Variants in SLC18A1 observed in about 807,000 individuals in gnomAD.
SLC18A1 encodes chromaffin granule amine transporter.
A neutral mutation model predicts 53.7 loss-of-function variants in SLC18A1; 69 were observed. The observed-to-expected ratio is 1.28, with a 90% CI of 1.06 to 1.57. SLC18A1 has a LOEUF of 1.57. Ranked by LOEUF, SLC18A1 falls within the 40% of genes most tolerant of loss-of-function variation. The pLI is 0.00. For synonymous variants in SLC18A1, 320 were observed against 248.1 expected (o/e 1.29, Z -2.72); for missense variants, 932 against 668.1 (o/e 1.40, Z -4.35).
rs746506124 is a variant in SLC18A1, at chr8:20,174,420, G to C, written c.572C>G (p.Thr191Ser). The C allele has an allele frequency of 6.2e-7, 1 of 1,613,968 alleles. No individual in the cohort carries two copies. Among genetic ancestry groups the C allele is most frequent in the Non-Finnish European group, 8.5e-7 (1 of 1,179,872 alleles). The change falls in exon 5 of 16, where the codon ACT becomes AGT. Residue 191 changes from threonine (T) to serine (S), a missense_variant. Physicochemically the swap from Thr to Ser is moderately conservative, Grantham distance 58 (BLOSUM62 1). Transcript: ENST00000276373. The stretch of plus-strand genomic sequence containing the variant: ...AAGGGTTCGGGCCACAAAGAGTAGA[G>C]TATAGGTCCCAGAAAAAGCAAACAC... ...TVMFAFSGTY[T>S]LLFVARTLQG...
At chr8:20,159,202 A>G (rs1295699068) in intron 10 of SLC18A1, among the ~76,000 whole-genome samples, 3 of 152,166 alleles carry the variant, frequency 2.0e-5, no homozygotes, top group Non-Finnish European at 4.4e-5. Flanking sequence ...GGAACTTTCA[A>G]CTGCATGACC....
intron 12 of SLC18A1, among the ~76,000 whole-genome samples, chr8:20,149,265 T>G (rs576829162): frequency 6.6e-6 from 1 of 152,270 alleles, no homozygotes; most frequent in Non-Finnish European, 1.5e-5. Context: ...CCTGGGGATT[T>G]ATGAGGCTCT....
chr8:20,163,999 T>C (rs1454658710), intron 10 of SLC18A1, among the ~76,000 whole-genome samples: 1 of 152,216 alleles, frequency 6.6e-6, no homozygotes, highest in African/African-American at 2.4e-5. Flanking sequence ...ATCGTCATGG[T>C]CAAAAGCACT....
In SLC18A1 at chr8:20,147,336, G is replaced by T; in HGVS notation, c.1386C>A (p.Val462=). ...VKAIGFPWLM[V]ITGVINIVYA... ...AGACGATGTTGATGACCCCAGTGAT[G>T]ACCATGAGCCAGGGAAAACCGATGG... Residue 462 remains valine (V), a synonymous_variant, in exon 15 of 16, where the codon GTC becomes GTA. Coordinates refer to ENST00000276373, the MANE Select transcript of SLC18A1 (RefSeq NM_003053.4). The T allele has an allele frequency of 6.2e-7, 1 of 1,613,502 alleles. No individual in the cohort carries two copies. The highest frequency in any genetic ancestry group is 1.1e-5 in the South Asian group (1 of 91,002).
chr8:20,153,740 C>T (rs565018536), intron 10 of SLC18A1, among the ~76,000 whole-genome samples: 9 of 151,938 alleles, frequency 5.9e-5, no homozygotes, highest in South Asian at 4.2e-4. Flanking sequence ...AATTGGTGAT[C>T]CCAGTTTGGT....
intron 8 of SLC18A1, among the ~76,000 whole-genome samples, chr8:20,166,287 G>GTGTGTATATATATATA (rs1235212014): frequency 1.5e-4 from 12 of 78,990 alleles, no homozygotes; most frequent in Admixed American, 4.0e-4. Context: ...GTGTGTGTGT[G>GTGTGTATATATATATA]TCTATATATA....
intron 14 of SLC18A1, 57 bp downstream of exon 14, chr8:20,147,546 T>G: frequency 1.2e-6 from 2 of 1,606,824 alleles, no homozygotes; most frequent in East Asian, 4.5e-5. Flanking sequence ...CTGGCTGCAC[T>G]TCCAGCTGGT....
At chr8:20,160,261 G>A (rs2071790443) in intron 10 of SLC18A1, among the ~76,000 whole-genome samples, 2 of 147,382 alleles carry the variant, frequency 1.4e-5, no homozygotes, top group Non-Finnish European at 3.0e-5. Context: ...TATCTAGTAT[G>A]TGGAAGTAAG....
At chr8:20,165,163 T>C in intron 8 of SLC18A1, 56 bp from the exon 9 acceptor site, 3 of 1,447,074 alleles carry the variant, frequency 2.1e-6, no homozygotes, top group Admixed American at 1.7e-5. Context: ...ATCTCTCCTA[T>C]TTTCACAGAA....
At chr8:20,176,481 A>G (rs995577952) in intron 4 of SLC18A1, among the ~76,000 whole-genome samples, 1 of 152,188 alleles carries the variant, frequency 6.6e-6, no homozygotes, top group African/African-American at 2.4e-5. Context: ...ACACCCCTCA[A>G]TTCTAGGCAA....
intron 5 of SLC18A1, 134 bp from the exon 6 acceptor site, chr8:20,173,262 T>G: frequency 1.5e-6 from 1 of 669,016 alleles, no homozygotes; most frequent in Non-Finnish European, 2.5e-6. Flanking sequence ...TTTACAAAAC[T>G]TAACCCGTAG....
chr8:20,173,182 C>T (rs1203775592), intron 5 of SLC18A1, 54 bp from the exon 6 acceptor site: 1 of 1,341,948 alleles, frequency 7.5e-7, no homozygotes. Flanking sequence ...CTATCCGCCT[C>T]TCAGAGCCCT....
In SLC18A1 at chr8:20,179,187, AC is replaced by A. The variant is rs1361367572; in HGVS notation, c.421del (p.Val141PhefsTer8). Reference sequence around the variant, plus strand: ...CATCACAGCCTTTGAAGCAAACAGAACCCCGACCCGGGTAATCTCTTCCTCC... The same window carrying A: ...CATCACAGCCTTTGAAGCAAACAGAACCCGACCCGGGTAATCTCTTCCTCC... The part of the protein sequence containing the change: ...FLEEEITRVG[V>X]LFASKAVMQL... On this transcript the variant is annotated frameshift_variant, in exon 3 of 16. Transcript: ENST00000276373. LOFTEE classifies it high-confidence loss of function. 1 of 1,614,060 alleles carries A rather than the reference AC, an allele frequency of 6.2e-7. No homozygotes were observed. Among genetic ancestry groups the A allele is most frequent in the Non-Finnish European group, 8.5e-7 (1 of 1,180,022 alleles).
chr8:20,158,387 C>A (rs1473702256), intron 10 of SLC18A1, among the ~76,000 whole-genome samples: 1 of 152,166 alleles, frequency 6.6e-6, no homozygotes, highest in African/African-American at 2.4e-5. Context: ...CTCGCAAAAG[C>A]AGGGGCCATT....
intron 13 of SLC18A1, 101 bp downstream of exon 13, chr8:20,147,906 C>T: frequency 6.9e-7 from 1 of 1,456,722 alleles, no homozygotes; most frequent in Non-Finnish European, 9.4e-7. Flanking sequence ...GATCCTTCTG[C>T]CTCTGCACCT....
At chr8:20,176,278 C>T (rs1353475218) in intron 4 of SLC18A1, among the ~76,000 whole-genome samples, 1 of 152,136 alleles carries the variant, frequency 6.6e-6, no homozygotes, top group African/African-American at 2.4e-5. Flanking sequence ...CTCTTTCTTC[C>T]TCTCTCATCT....
At chr8:20,151,549 G>T (rs1454146147) in intron 10 of SLC18A1, among the ~76,000 whole-genome samples, 4 of 152,076 alleles carry the variant, frequency 2.6e-5, no homozygotes, top group Admixed American at 2.6e-4. Context: ...TTCCACATCT[G>T]GAAAAAGCAA....
intron 8 of SLC18A1, among the ~76,000 whole-genome samples, chr8:20,166,603 G>C (rs2071973639): frequency 6.6e-6 from 1 of 151,320 alleles, no homozygotes; most frequent in African/African-American, 2.4e-5. Context: ...AAGACTGGAG[G>C]GATTGACACT....
chr8:20,152,561 C>T (rs906256422), intron 10 of SLC18A1, among the ~76,000 whole-genome samples: 3 of 151,870 alleles, frequency 2.0e-5, no homozygotes, highest in Non-Finnish European at 1.5e-5. Context: ...TTGTCTTAAT[C>T]GATTGGGTAG....
Sources: gnomAD v4.1 joint callset for allele counts (sites outside exome capture counted in the v4.1 genomes callset) on GRCh38, gnomAD v4.1.1 for gene constraint, MANE v1.5 for transcripts, NCBI Gene and HGNC (gene_info 2026-07-23, HGNC 2026-07-21) for gene names.